TRIM7: variants seen among roughly 807,000 people sequenced by gnomAD.
TRIM7 encodes the protein E3 ubiquitin-protein ligase TRIM7.
Under a neutral mutation model 37.9 loss-of-function variants are expected in TRIM7, and 32 were observed. The observed-to-expected ratio is 0.84, with a 90% CI of 0.64 to 1.13. TRIM7 has a LOEUF of 1.13. Ranked by LOEUF, TRIM7 falls within the 50% of genes most tolerant of loss-of-function variation. The pLI, the probability that TRIM7 is intolerant of heterozygous loss-of-function variation, is 0.00. For missense variants in TRIM7, 732 were observed against 714.0 expected, an observed-to-expected ratio of 1.03 and a Z score of -0.29; for synonymous variants, 351 against 321.3, an observed-to-expected ratio of 1.09 and a Z score of -0.99.
Position 181,195,557 on chromosome 5 carries a change from G to C in TRIM7, c.1145C>G (p.Thr382Ser). Residue 382 changes from threonine to serine, a missense_variant, in exon 7 of 7, where the codon ACC becomes AGC. Thr to Ser is a moderately conservative substitution (Grantham distance 58). Coordinates refer to ENST00000274773, the MANE Select transcript of TRIM7 (RefSeq NM_203293.3). ...DLPNHPCRFD[T>S]NTRVLASCGF... ...GCAGGACGCCAGGACGCGGGTGTTG[G>C]TGTCGAAGCGGCAGGGGTGGTTGGG... 6.2e-7 allele frequency: 1 copy of C among 1,610,830 alleles called. No homozygotes were observed. Among genetic ancestry groups the C allele is most frequent in the Non-Finnish European group, 8.5e-7 (1 of 1,177,914 alleles).
rs1391519349 is a variant in TRIM7 at position 181,205,005 on chromosome 5, A to G, written c.106T>C (p.Phe36Leu). The change falls in exon 1 of 7, where the codon TTT (phenylalanine) becomes CTT (leucine). Residue 36 changes from phenylalanine to leucine, a missense_variant. Coordinates refer to ENST00000274773, the MANE Select transcript of TRIM7 (RefSeq NM_203293.3). ...EATCSICLEL[F>L]REPVSVECGH... ...CACTCGACGGACACCGGCTCACGAA[A>G]GAGCTCTAGGCAGATGGAGCACGTC... is the stretch of plus-strand genomic sequence containing the variant. 6.7e-7 allele frequency: 1 copy of G among 1,487,302 alleles called. No homozygotes were observed. Among genetic ancestry groups the G allele is most frequent in the Non-Finnish European group, 8.9e-7 (1 of 1,127,112 alleles). 92.1% of individuals were successfully genotyped at this position (1,487,302 alleles called of 1,614,324 possible). A position where few individuals can be genotyped will look rare whatever the true frequency, so the allele number is the denominator to read the frequency against.
Position 181,194,348 on chromosome 5 carries a change from G to C in TRIM7, c.*818C>G, listed in dbSNP as rs1388564149. 1 of 152,392 alleles carries C rather than the reference G, an allele frequency of 6.6e-6. No individual in the cohort carries two copies. The highest frequency in any genetic ancestry group is 1.9e-4 in the East Asian group (1 of 5,208). The allele number at this position is 152,392 out of a possible 1,614,324, so 9.4% of individuals were successfully genotyped here. ...GAGGCCAGGAGTTCAAGACCAGCCT[G>C]GGCAACATAGCAAGACCCAGTCTCT... is the stretch of plus-strand genomic sequence containing the variant. On this transcript the variant is annotated 3_prime_UTR_variant, in exon 7 of 7. Coordinates refer to ENST00000274773, the MANE Select transcript of TRIM7 (RefSeq NM_203293.3).
Position 181,195,376 on chromosome 5 carries a change from G to C in TRIM7, c.1326C>G (p.Tyr442Ter), listed in dbSNP as rs1411666548. ...ACCGCTCGGGGCTGGTCACGGCCCAGTACTGGCCGCCGTTGAGCTGCAGGG... is the reference window on the plus strand; with the variant it reads ...ACCGCTCGGGGCTGGTCACGGCCCACTACTGGCCGCCGTTGAGCTGCAGGG... ...VWALQLNGGQYWAVTSPERSP... is the reference protein window; with the variant it reads ...VWALQLNGGQ Residue 442 changes from tyrosine to a stop codon, truncating the protein, a stop_gained, in exon 7 of 7, where the codon TAC becomes TAG. Coordinates refer to ENST00000274773, the MANE Select transcript of TRIM7 (RefSeq NM_203293.3). LOFTEE classifies it low-confidence loss of function (END_TRUNC). The C allele has an allele frequency of 2.5e-6, 4 of 1,580,530 alleles. No individual in the cohort carries two copies. Among genetic ancestry groups the C allele is most frequent in the Non-Finnish European group, 3.4e-6 (4 of 1,163,644 alleles).
At chr5:181,204,025 C>T (rs891405408) in intron 1 of TRIM7, 6 of 1,010,298 alleles carry the variant, frequency 5.9e-6, no homozygotes, top group East Asian at 2.0e-4. Context: ...CACACACCCT[C>T]GCTGAGGCTC....
chr5:181,200,615 C>T lies in TRIM7; in HGVS notation c.619-534G>A, dbSNP rs73364063. On this transcript the variant is annotated intron_variant, in intron 2 of 6. Transcript: ENST00000274773. ...AAAGTAGAAAGAAGGAAGAAAAGTC[C>T]GATGCCAGTGACCAGAGGTAGCAGC... The T allele has an allele frequency of 2.9e-3, 2,914 of 1,003,660 alleles. 37 individuals are homozygous for T. In the African/African-American group the frequency reaches 0.037, roughly 13 times the overall value. The allele number at this position is 1,003,660 out of a possible 1,614,324, so 62.2% of individuals were successfully genotyped here. A position where few individuals can be genotyped will look rare whatever the true frequency, so the allele number is the denominator to read the frequency against.
intron 2 of TRIM7, among the ~76,000 whole-genome samples, chr5:181,201,601 A>G (rs1031933092): frequency 4.6e-5 from 7 of 152,162 alleles, no homozygotes; most frequent in Non-Finnish European, 1.5e-5. Context: ...CCAGCTCTAC[A>G]AAAAATAAAT....
chr5:181,198,673 G>T lies in TRIM7; in HGVS notation c.988+17C>A. 6.3e-7 allele frequency: 1 copy of T among 1,584,386 alleles called. No homozygotes were observed. Among genetic ancestry groups the T allele is most frequent in the Non-Finnish European group, 8.7e-7 (1 of 1,153,084 alleles). On this transcript the variant is annotated intron_variant, in intron 5 of 6. Transcript: ENST00000274773. ...ACCACCGCACTATGTGGCCCAGCTT[G>T]GCGCCCAGGCCCCTACCTTTGAACT...
chr5:181,204,196 C>A, intron 1 of TRIM7: 3 of 1,017,494 alleles, frequency 2.9e-6, no homozygotes, highest in Non-Finnish European at 3.5e-6. Flanking sequence ...GAGCCCGCTT[C>A]GGGGAAAGAG....
At chr5:181,196,437 G>A (rs1757129088) in intron 6 of TRIM7, 1 of 152,136 alleles carries the variant, frequency 6.6e-6, no homozygotes, top group Non-Finnish European at 1.5e-5. Flanking sequence ...CGGGTGAGAT[G>A]GTGCACAGCT....
intron 6 of TRIM7, chr5:181,197,884 G>A (rs913509789): frequency 1.3e-5 from 6 of 470,230 alleles, no homozygotes; most frequent in Admixed American, 3.4e-5. Flanking sequence ...CCATCTTGGA[G>A]TGGGGACCGG....
At chr5:181,203,802 A>T in intron 1 of TRIM7, 162 bp from the exon 2 acceptor site, 1 of 1,371,460 alleles carries the variant, frequency 7.3e-7, no homozygotes, top group South Asian at 1.8e-5. Context: ...CTGCGAGGTG[A>T]CTCTGAAGGT....
At chr5:181,196,954 T>A (rs1757161760) in intron 6 of TRIM7, 1 of 151,976 alleles carries the variant, frequency 6.6e-6, no homozygotes, top group African/African-American at 2.4e-5. Flanking sequence ...AGCCCAGGTG[T>A]TGGAGACCAG....
intron 2 of TRIM7, chr5:181,200,353 A>T (rs868216181): frequency 1.4e-6 from 2 of 1,415,768 alleles, no homozygotes; most frequent in Non-Finnish European, 1.8e-6. Context: ...AGGCAGCTTC[A>T]TACTCCCCCC....
chr5:181,197,783 C>T (rs1757222143), intron 6 of TRIM7: 1 of 219,234 alleles, frequency 4.6e-6, no homozygotes, highest in Admixed American at 5.4e-5. Flanking sequence ...CAGAGCTTTG[C>T]AAGAGTAAAA....
chr5:181,203,932 G>A (rs1582240290), intron 1 of TRIM7: 10 of 1,163,098 alleles, frequency 8.6e-6, no homozygotes, highest in South Asian at 5.3e-5. Flanking sequence ...AAGCCCCGTG[G>A]CTGGGAGAGT....
Position 181,205,067 on chromosome 5 carries a change from T to TCGGCGCCGGTTC in TRIM7, c.32_43dup (p.Gly11_Ala14dup). The TCGGCGCCGGTTC allele has an allele frequency of 7.3e-7, 1 of 1,376,180 alleles. No homozygotes were observed. The highest frequency in any genetic ancestry group is 9.4e-7 in the Non-Finnish European group (1 of 1,068,800). 85.2% of individuals were successfully genotyped at this position (1,376,180 alleles called of 1,614,324 possible). On this transcript the variant is annotated inframe_insertion, in exon 1 of 7. Transcript: ENST00000274773. ...CAGCTCTGCCGCCAGCGCTAGAGCC[T>TCGGCGCCGGTTC]CGGCGCCGGTTCCGGGGCCGGTCCG...
At position 181,204,607 on chromosome 5, in the gene TRIM7, C is replaced by A; in HGVS notation, c.504G>T (p.Glu168Asp). The change falls in exon 1 of 7, where the codon GAG (glutamate) becomes GAT (aspartate). Residue 168 changes from glutamate to aspartate, a missense_variant. Coordinates refer to ENST00000274773, the MANE Select transcript of TRIM7 (RefSeq NM_203293.3). ...HREHAVLPLD[E>D]AVQEAKELLE... ...CGCTCACCTTGGCCTCCTGCACCGC[C>A]TCGTCCAGCGGCAGCACGGCGTGCT... 6.9e-7 allele frequency: 1 copy of A among 1,453,724 alleles called. No homozygotes were observed. The allele number at this position is 1,453,724 out of a possible 1,614,324, so 90.1% of individuals were successfully genotyped here.
rs1757056070 is a variant in TRIM7, at chr5:181,195,569, C to T, written c.1133G>A (p.Cys378Tyr). The T allele has an allele frequency of 1.9e-6, 3 of 1,608,304 alleles. No homozygotes were observed. Among genetic ancestry groups the T allele is most frequent in the Non-Finnish European group, 1.7e-6 (2 of 1,176,164 alleles). The change falls in exon 7 of 7, where the codon TGC (cysteine) becomes TAC (tyrosine). Residue 378 changes from cysteine (C) to tyrosine (Y), a missense_variant. Transcript: ENST00000274773. ...GACGCGGGTGTTGGTGTCGAAGCGG[C>T]AGGGGTGGTTGGGCAGGTCCTGGGC... ...ERAQDLPNHP[C>Y]RFDTNTRVLA... is the part of the protein sequence containing the mutation.
rs1376213706 is a variant in TRIM7, at chr5:181,194,567, GCCCAC to G, written c.*594_*598del. 6.6e-6 allele frequency: 1 copy of G among 152,488 alleles called. No individual in the cohort carries two copies. Among genetic ancestry groups the G allele is most frequent in the African/African-American group, 2.4e-5 (1 of 41,474 alleles). The allele number at this position is 152,488 out of a possible 1,614,324, so 9.4% of individuals were successfully genotyped here. On this transcript the variant is annotated 3_prime_UTR_variant, in exon 7 of 7. Transcript: ENST00000274773. ...CTAAGGAGTGCTGGAGAGCCGTGATGCCCACTGGCTGTTGTCCCGGGCTTGTCACT... is the reference window on the plus strand; with the variant it reads ...CTAAGGAGTGCTGGAGAGCCGTGATGTGGCTGTTGTCCCGGGCTTGTCACT...
Sources: allele counts gnomAD v4.1 joint callset (sites outside exome capture counted in the v4.1 genomes callset), GRCh38; gene constraint gnomAD v4.1.1; transcripts MANE v1.5; gene names NCBI Gene and HGNC (gene_info 2026-07-23, HGNC 2026-07-21).